MSRA: variants seen among roughly 807,000 people sequenced by gnomAD.
The protein encoded by MSRA is methionine sulfoxide reductase A.
Under a neutral mutation model 31.3 loss-of-function variants are expected in MSRA, and 54 were observed. The observed-to-expected ratio is 1.73, with a 90% CI of 1.39 to 2.17. The LOEUF (loss-of-function observed/expected upper bound fraction) is 2.17. Ranked by LOEUF, MSRA falls within the 30% of genes most tolerant of loss-of-function variation. MSRA has a pLI of 0.00. For missense variants in MSRA, 507 were observed against 300.9 expected, an observed-to-expected ratio of 1.69 and a Z score of -5.07; for synonymous variants, 169 against 116.5, an observed-to-expected ratio of 1.45 and a Z score of -2.90.
At chr8:10,360,240 T>C (rs1804766752) in intron 5 of MSRA, among the ~76,000 whole-genome samples, 1 of 152,212 alleles carries the variant, frequency 6.6e-6, no homozygotes, top group Admixed American at 6.5e-5. Flanking sequence ...TTGGATATTT[T>C]GGTGTTTTGT....
chr8:10,119,161 T>G (rs1800918585), intron 1 of MSRA, among the ~76,000 whole-genome samples: 1 of 152,256 alleles, frequency 6.6e-6, no homozygotes, highest in South Asian at 2.1e-4. Context: ...ACAAGAACTC[T>G]CTAAACATGT....
At chr8:10,400,800 C>T (rs534781505) in intron 5 of MSRA, among the ~76,000 whole-genome samples, 2 of 152,230 alleles carry the variant, frequency 1.3e-5, no homozygotes, top group African/African-American at 4.8e-5. Flanking sequence ...ACAACTGGAT[C>T]TCCAGGTTTG....
At chr8:10,079,596 A>G (rs1303147401) in intron 1 of MSRA, among the ~76,000 whole-genome samples, 1 of 152,200 alleles carries the variant, frequency 6.6e-6, no homozygotes, top group Non-Finnish European at 1.5e-5. Flanking sequence ...GTGTCACATC[A>G]TGAAGCTTTG....
chr8:10,170,144 C>G (rs1805474080), intron 1 of MSRA, among the ~76,000 whole-genome samples: 2 of 151,104 alleles, frequency 1.3e-5, no homozygotes, highest in African/African-American at 4.9e-5. Context: ...CTTTGGCCTC[C>G]CAAAGTGCTG....
intron 1 of MSRA, among the ~76,000 whole-genome samples, chr8:10,174,769 T>C (rs1382189860): frequency 6.6e-6 from 1 of 152,194 alleles, no homozygotes; most frequent in African/African-American, 2.4e-5. Context: ...GACATCCAAC[T>C]GGAGGAGTCC....
intron 1 of MSRA, among the ~76,000 whole-genome samples, chr8:10,202,408 GT>G (rs1368735109): frequency 1.3e-5 from 2 of 152,224 alleles, no homozygotes; most frequent in Non-Finnish European, 2.9e-5. Context: ...AATATATAGT[GT>G]GGGGGATTTT....
At chr8:10,330,245 G>C (rs2129143617) in intron 5 of MSRA, among the ~76,000 whole-genome samples, 1 of 151,612 alleles carries the variant, frequency 6.6e-6, no homozygotes, top group Admixed American at 6.6e-5. Context: ...GCATGCAGTA[G>C]TGACCCAATA....
intron 1 of MSRA, among the ~76,000 whole-genome samples, chr8:10,142,299 A>G (rs1702473912): frequency 6.6e-6 from 1 of 151,966 alleles, no homozygotes; most frequent in African/African-American, 2.4e-5. Flanking sequence ...AAACTTCTCT[A>G]GGCCAACGAG....
At chr8:10,272,791 T>C (rs772304368) in intron 3 of MSRA, among the ~76,000 whole-genome samples, 20 of 152,202 alleles carry the variant, frequency 1.3e-4, no homozygotes, top group Non-Finnish European at 2.8e-4. Context: ...GAGAAATTTT[T>C]GTCACATTCA....
chr8:10,074,300 T>C (rs915495338), intron 1 of MSRA, among the ~76,000 whole-genome samples: 2 of 151,962 alleles, frequency 1.3e-5, no homozygotes, highest in African/African-American at 4.8e-5. Flanking sequence ...GCCAGGATGG[T>C]CTTGATCTCC....
At position 10,300,444 on chromosome 8, in the gene MSRA, C is replaced by T. The variant is rs533351636; in HGVS notation, c.332-1090C>T. Among the ~76,000 whole-genome samples, 61 of 152,004 alleles carry T rather than the reference C, an allele frequency of 4.0e-4. 2 individuals carry two copies. In the South Asian group the frequency reaches 9.8e-3, roughly 24 times the overall value. The stretch of plus-strand genomic sequence containing the variant: ...CTAATTTTTGTCTTTTTAGTGGAGA[C>T]GGGGTTACACCATGTTGGCCAGGCT... On this transcript the variant is annotated intron_variant, in intron 3 of 5. Transcript: ENST00000317173.
In MSRA at chr8:10,134,654, G is replaced by A. The variant is rs568926738; in HGVS notation, c.143-73179G>A. ...CAGACCAGGCATGACTGCACGCCTCGTATCAGAACTCGGAAGCCTGGTGGT... is the reference window on the plus strand; with the variant it reads ...CAGACCAGGCATGACTGCACGCCTCATATCAGAACTCGGAAGCCTGGTGGT... On this transcript the variant is annotated intron_variant, in intron 1 of 5. Coordinates refer to ENST00000317173, the MANE Select transcript of MSRA (RefSeq NM_012331.5). Among the ~76,000 whole-genome samples, 18 of 152,330 alleles carry A rather than the reference G, an allele frequency of 1.2e-4. No homozygotes were observed. The South Asian group carries it at 3.5e-3, about 30-fold the overall frequency.
chr8:10,147,453 A>G (rs1803243219), intron 1 of MSRA, among the ~76,000 whole-genome samples: 1 of 152,138 alleles, frequency 6.6e-6, no homozygotes, highest in South Asian at 2.1e-4. Flanking sequence ...GTAGTGGCTG[A>G]CTTCTCCCAA....
intron 5 of MSRA, among the ~76,000 whole-genome samples, chr8:10,410,686 A>G (rs1808102903): frequency 6.6e-6 from 1 of 152,170 alleles, no homozygotes; most frequent in Non-Finnish European, 1.5e-5. Flanking sequence ...CTATGCAAAC[A>G]TGATCTCCTG....
At chr8:10,282,664 C>G (rs2129107792) in intron 3 of MSRA, among the ~76,000 whole-genome samples, 1 of 152,294 alleles carries the variant, frequency 6.6e-6, no homozygotes, top group Middle Eastern at 3.4e-3. Flanking sequence ...GAGCATAAAG[C>G]AGGAAGAGTG....
At chr8:10,343,589 G>C (rs1803580016) in intron 5 of MSRA, among the ~76,000 whole-genome samples, 1 of 152,154 alleles carries the variant, frequency 6.6e-6, no homozygotes, top group Non-Finnish European at 1.5e-5. Flanking sequence ...CAGTTCATGG[G>C]AGAGCTTAGT....
At chr8:10,244,767 T>C (rs1374073754) in intron 2 of MSRA, among the ~76,000 whole-genome samples, 1 of 152,208 alleles carries the variant, frequency 6.6e-6, no homozygotes, top group African/African-American at 2.4e-5. Flanking sequence ...TTTCTATTGA[T>C]TCAAGTTATG....
intron 1 of MSRA, among the ~76,000 whole-genome samples, chr8:10,120,412 C>G (rs1206247853): frequency 6.6e-6 from 1 of 152,174 alleles, no homozygotes; most frequent in Non-Finnish European, 1.5e-5. Flanking sequence ...TGGTTTCTGA[C>G]ACTGGCACCC....
chr8:10,070,816 G>C (rs553926057), intron 1 of MSRA, among the ~76,000 whole-genome samples: 68 of 152,124 alleles, frequency 4.5e-4, no homozygotes, highest in Non-Finnish European at 4.4e-4. Context: ...CACCCCAGTT[G>C]GTTAATGTAC....
Sources: gnomAD v4.1 joint callset for allele counts (sites outside exome capture counted in the v4.1 genomes callset) on GRCh38, gnomAD v4.1.1 for gene constraint, MANE v1.5 for transcripts, NCBI Gene and HGNC (gene_info 2026-07-23, HGNC 2026-07-21) for gene names.